Variants in SOX6 observed in about 807,000 individuals in gnomAD.
SOX6 encodes SRY-box transcription factor 6, also known as transcription factor SOX-6.
A neutral mutation model predicts 97.8 loss-of-function variants in SOX6; 11 were observed. That is an observed-to-expected ratio of 0.11 (90% confidence interval 0.07 to 0.19). The LOEUF is 0.19. Ranked by LOEUF, SOX6 falls within the 10% of genes least tolerant of loss-of-function variation. The pLI, the probability that SOX6 is intolerant of heterozygous loss-of-function variation, is 1.00. For synonymous variants in SOX6, 360 were observed against 371.4 expected, an observed-to-expected ratio of 0.97 and a Z score of 0.35; for missense variants, 810 against 1,039.5, an observed-to-expected ratio of 0.78 and a Z score of 3.04.
chr11:16,318,175 C>T, intron 3 of SOX6: 5 of 466,126 alleles, frequency 1.1e-5, no homozygotes, highest in Non-Finnish European at 1.2e-5. Context: ...TTACCTTTTT[C>T]CAGAGTAGGA....
chr11:15,975,767 C>A (rs1853460708), intron 15 of SOX6, among the ~76,000 whole-genome samples: 1 of 152,026 alleles, frequency 6.6e-6, no homozygotes, highest in Non-Finnish European at 1.5e-5. Flanking sequence ...TTGAACCTTC[C>A]CCGTGTCACA....
chr11:16,704,068 T>C (rs1479421602), intron 3 of SOX6, among the ~76,000 whole-genome samples: 3 of 152,228 alleles, frequency 2.0e-5, no homozygotes. Context: ...AGTTGAATGA[T>C]AGACAAAAGT....
intron 9 of SOX6, among the ~76,000 whole-genome samples, chr11:16,061,643 A>T (rs899009661): frequency 6.6e-6 from 1 of 152,022 alleles, no homozygotes; most frequent in Non-Finnish European, 1.5e-5. Context: ...ACTTCAAATT[A>T]CACTACAAAC....
intron 4 of SOX6, among the ~76,000 whole-genome samples, chr11:16,507,953 G>T (rs981379355): frequency 2.0e-5 from 3 of 152,002 alleles, no homozygotes; most frequent in Non-Finnish European, 2.9e-5. Context: ...ACAATACGTG[G>T]AATGGGAGAA....
chr11:16,726,694 G>C (rs1215238781), intron 2 of SOX6, among the ~76,000 whole-genome samples: 1 of 152,208 alleles, frequency 6.6e-6, no homozygotes, highest in African/African-American at 2.4e-5. Flanking sequence ...CAAAAGTAAA[G>C]GTTCTAAATT....
chr11:15,983,317 G>T (rs1853727665), intron 15 of SOX6, among the ~76,000 whole-genome samples: 1 of 151,914 alleles, frequency 6.6e-6, no homozygotes, highest in African/African-American at 2.4e-5. Context: ...GGCTAACATT[G>T]CTCCCTTCCA....
chr11:16,442,939 G>T lies in SOX6; in HGVS notation c.-5+33376C>A, dbSNP rs553185483. On this transcript the variant is annotated intron_variant, in intron 1 of 15. Coordinates refer to the SOX6 transcript ENST00000396356. ...CAGGTTCATATCAGGAAATAATCAA[G>T]TGCACCACCAAAATCACAAGAATTT... is the stretch of plus-strand genomic sequence containing the variant. Among the ~76,000 whole-genome samples, 700 of 152,136 alleles carry T rather than the reference G, an allele frequency of 4.6e-3. 5 individuals are homozygous for T. Among genetic ancestry groups the T allele is most frequent in the African/African-American group, 0.016 (677 of 41,518 alleles).
chr11:16,299,671 A>G (rs1855198464), intron 3 of SOX6, among the ~76,000 whole-genome samples: 1 of 152,178 alleles, frequency 6.6e-6, no homozygotes, highest in Admixed American at 6.5e-5. Flanking sequence ...TTGCTAATAT[A>G]TTAGACTAAG....
intron 6 of SOX6, among the ~76,000 whole-genome samples, chr11:16,123,887 G>T (rs975928020): frequency 2.0e-5 from 3 of 152,060 alleles, no homozygotes; most frequent in African/African-American, 7.2e-5. Context: ...CCTAGCCTAG[G>T]CTGCCTCTCC....
At chr11:16,454,750 T>C (rs1859783527) in intron 1 of SOX6, among the ~76,000 whole-genome samples, 1 of 152,106 alleles carries the variant, frequency 6.6e-6, no homozygotes, top group African/African-American at 2.4e-5. Context: ...AGTTTATGGT[T>C]GAAGATCTAT....
chr11:16,165,701 C>T (rs1055465331), intron 6 of SOX6, among the ~76,000 whole-genome samples: 19 of 152,032 alleles, frequency 1.2e-4, no homozygotes, highest in African/African-American at 4.6e-4. Flanking sequence ...AGTTCAAGAC[C>T]AGCCTGGCCA....
At chr11:15,974,150 G>C (rs1435838173) in intron 15 of SOX6, among the ~76,000 whole-genome samples, 1 of 152,032 alleles carries the variant, frequency 6.6e-6, no homozygotes, top group Non-Finnish European at 1.5e-5. Flanking sequence ...TGGAGCCTTT[G>C]TTTCTACATA....
chr11:16,054,143 C>G (rs1564928625), intron 10 of SOX6, among the ~76,000 whole-genome samples: 1 of 152,086 alleles, frequency 6.6e-6, no homozygotes, highest in Non-Finnish European at 1.5e-5. Flanking sequence ...TGAATTTAAC[C>G]AAGGAACATT....
At chr11:16,676,637 T>C (rs1847886668) in intron 3 of SOX6, among the ~76,000 whole-genome samples, 1 of 152,212 alleles carries the variant, frequency 6.6e-6, no homozygotes, top group Non-Finnish European at 1.5e-5. Context: ...TCGTCACATG[T>C]AGCTACTGAA....
chr11:16,150,549 G>T (rs1375264451), intron 6 of SOX6, among the ~76,000 whole-genome samples: 1 of 152,110 alleles, frequency 6.6e-6, no homozygotes, highest in African/African-American at 2.4e-5. Flanking sequence ...CACACTGAAG[G>T]AATATTGAGC....
intron 4 of SOX6, among the ~76,000 whole-genome samples, chr11:16,188,144 A>G (rs939854238): frequency 2.7e-5 from 4 of 150,698 alleles, no homozygotes; most frequent in Non-Finnish European, 4.4e-5. Context: ...TTGTTAGTAT[A>G]TGATTTCTGA....
At chr11:16,081,524 T>A (rs140053101) in intron 9 of SOX6, among the ~76,000 whole-genome samples, 2 of 152,290 alleles carry the variant, frequency 1.3e-5, no homozygotes, top group East Asian at 3.9e-4. Context: ...TCTCATTACA[T>A]GATGTAAAAT....
chr11:16,254,830 T>C (rs61881741), intron 3 of SOX6, among the ~76,000 whole-genome samples: 18,312 of 151,592 alleles, frequency 0.12, 1,517 homozygotes, highest in South Asian at 0.19. Context: ...AAAACAGAGA[T>C]TGTCAGAGTG....
At chr11:16,427,923 T>C (rs1483960370) in intron 1 of SOX6, among the ~76,000 whole-genome samples, 21 of 152,112 alleles carry the variant, frequency 1.4e-4, no homozygotes, top group Non-Finnish European at 2.9e-5. Context: ...CCACAATGGT[T>C]GAACTAGTTT....
Sources: gnomAD v4.1 joint callset for allele counts (sites outside exome capture counted in the v4.1 genomes callset) on GRCh38, gnomAD v4.1.1 for gene constraint, MANE v1.5 for transcripts, NCBI Gene and HGNC (gene_info 2026-07-23, HGNC 2026-07-21) for gene names.